Variants in ZBTB40 observed in about 807,000 individuals in gnomAD.
The protein encoded by ZBTB40 is zinc finger and BTB domain-containing protein 40.
In ZBTB40, 60 loss-of-function variants were observed where a neutral mutation model predicts 117.5. The observed-to-expected ratio is 0.51, with a 90% CI of 0.41 to 0.63. ZBTB40 has a LOEUF of 0.63. Ranked by LOEUF, ZBTB40 falls within the 30% of genes least tolerant of loss-of-function variation. ZBTB40 has a pLI of 0.00. For missense variants in ZBTB40, 1,287 were observed against 1,498.5 expected (o/e 0.86, Z 2.33); for synonymous variants, 525 against 577.1 (o/e 0.91, Z 1.29).
chr1:22,524,482 G>T, intron 17 of ZBTB40, 38 bp downstream of exon 17: 1 of 1,601,122 alleles, frequency 6.2e-7, no homozygotes. Context: ...GAATGCTAAT[G>T]CATGGTTCCT....
rs117797568 is a variant in ZBTB40 at position 22,513,930 on chromosome 1, G to A, written c.2668+800G>A. Among the ~76,000 whole-genome samples the A allele has an allele frequency of 1.3e-5, 2 of 152,310 alleles. No homozygotes were observed. Among genetic ancestry groups the A allele is most frequent in the East Asian group, 1.9e-4 (1 of 5,180 alleles). ...ATAAAATTATTTGAGCTTTGAAGTC[G>A]AGTTCAAGCATGAGAAGGACCCTGA... On this transcript the variant is annotated intron_variant, in intron 12 of 17. Coordinates refer to ENST00000375647, the MANE Select transcript of ZBTB40 (RefSeq NM_014870.4). This position sits in a 1 kb window ranked among gnomAD's most constrained non-coding sequence, Gnocchi z 4.9.
At chr1:22,497,755 G>A (rs1638817442) in intron 3 of ZBTB40, among the ~76,000 whole-genome samples, 1 of 152,158 alleles carries the variant, frequency 6.6e-6, no homozygotes, top group African/African-American at 2.4e-5. Context: ...CTAGGTGAAA[G>A]GGGTGCCAGC....
chr1:22,477,288 G>A (rs1339711434), intron 1 of ZBTB40, among the ~76,000 whole-genome samples: 3 of 152,182 alleles, frequency 2.0e-5, no homozygotes, highest in Middle Eastern at 3.4e-3. Flanking sequence ...AGCCTTTCTC[G>A]GAGCCAATAA....
At chr1:22,491,282 C>A in intron 2 of ZBTB40, 118 bp from the exon 3 acceptor site, 1 of 990,032 alleles carries the variant, frequency 1.0e-6, no homozygotes, top group Non-Finnish European at 1.6e-6. Context: ...AACTGATGTG[C>A]TAGACAGAGA....
intron 1 of ZBTB40, among the ~76,000 whole-genome samples, chr1:22,443,651 G>A (rs547977926): frequency 1.5e-4 from 23 of 152,174 alleles, no homozygotes; most frequent in Non-Finnish European, 3.2e-4. Flanking sequence ...TCCTGGATCC[G>A]GAAAAGACCT....
chr1:22,429,829 C>T (rs1640554304), intron 1 of ZBTB40, among the ~76,000 whole-genome samples: 1 of 152,074 alleles, frequency 6.6e-6, no homozygotes, highest in Non-Finnish European at 1.5e-5. Context: ...CCCATCCCTA[C>T]TAAAAATACA....
intron 12 of ZBTB40, among the ~76,000 whole-genome samples, chr1:22,514,122 G>T (rs1639315298): frequency 6.6e-6 from 1 of 152,210 alleles, no homozygotes; most frequent in African/African-American, 2.4e-5. Flanking sequence ...GCGTGATGAG[G>T]AAGGATGGAG....
At chr1:22,496,936 G>T (rs1638793141) in intron 3 of ZBTB40, among the ~76,000 whole-genome samples, 1 of 152,222 alleles carries the variant, frequency 6.6e-6, no homozygotes, top group Non-Finnish European at 1.5e-5. Flanking sequence ...AACCTCAAAA[G>T]TAGGGAAACC....
intron 3 of ZBTB40, among the ~76,000 whole-genome samples, chr1:22,497,162 C>A (rs181463392): frequency 6.6e-6 from 1 of 152,302 alleles, no homozygotes; most frequent in East Asian, 1.9e-4. Context: ...CAAAGTGGAT[C>A]TTTAACTAGA....
At chr1:22,492,425 C>T (rs945350739) in intron 3 of ZBTB40, among the ~76,000 whole-genome samples, 10 of 152,172 alleles carry the variant, frequency 6.6e-5, no homozygotes, top group African/African-American at 2.2e-4. Context: ...CTGCAGGATT[C>T]GACTCCACAA....
At chr1:22,507,958 T>C in intron 6 of ZBTB40, 43 bp from the exon 7 acceptor site, 1 of 1,613,896 alleles carries the variant, frequency 6.2e-7, no homozygotes, top group East Asian at 2.2e-5. Context: ...CTGTAGGAGG[T>C]TTTGTTGCAT....
chr1:22,524,947 T>C (rs1381039295), intron 17 of ZBTB40, among the ~76,000 whole-genome samples: 1 of 152,228 alleles, frequency 6.6e-6, no homozygotes, highest in East Asian at 1.9e-4. Context: ...CCTCTTTTAC[T>C]CTTCTTCCCA....
Position 22,520,179 on chromosome 1 carries a change from G to A in ZBTB40, c.2952G>A (p.Gly984=). 1.2e-6 allele frequency: 2 copies of A among 1,614,112 alleles called. No homozygotes were observed. Among genetic ancestry groups the A allele is most frequent in the Non-Finnish European group, 1.7e-6 (2 of 1,179,998 alleles). ...AGTACCACCCCTGCCCCACGTGTGG[G>A]AAGATCTTCAGTGCCCCGTCCATGC... The part of the protein sequence containing the change: ...SKEYHPCPTC[G]KIFSAPSMLE... Residue 984 remains glycine, a synonymous_variant, in exon 14 of 18, where the codon GGG becomes GGA. Transcript: ENST00000375647.
rs1209301017 is a variant in ZBTB40, at chr1:22,490,592, C to T, written c.644C>T (p.Pro215Leu). Residue 215 changes from proline (P) to leucine (L), a missense_variant, in exon 2 of 18, where the codon CCC (proline) becomes CTC (leucine). This residue lies in a region of ZBTB40 where 870 missense variants were observed against 934.4 expected (regional missense o/e 0.93). Coordinates refer to ENST00000375647, the MANE Select transcript of ZBTB40 (RefSeq NM_014870.4). Reference sequence around the variant, plus strand: ...CCTACTACAGCTGAAGCTTGTTCCCCCTCCCCTGCTGTGCAAACCTTTAGT... The same window carrying T: ...CCTACTACAGCTGAAGCTTGTTCCCTCTCCCCTGCTGTGCAAACCTTTAGT... ...ETPTTAEACS[P>L]SPAVQTFSEA... 6.2e-7 allele frequency: 1 copy of T among 1,614,082 alleles called. No homozygotes were observed. The highest frequency in any genetic ancestry group is 1.3e-5 in the African/African-American group (1 of 75,052).
At position 22,520,071 on chromosome 1, in the gene ZBTB40, TC is replaced by T; in HGVS notation, c.2846del (p.Pro949LeufsTer9). On this transcript the variant is annotated frameshift_variant, in exon 14 of 18. Transcript: ENST00000375647. LOFTEE classifies it high-confidence loss of function. ...HLHTFHNIEDPYDCKKCRMSF... is the reference protein window; with the variant it reads ...HLHTFHNIEDXYDCKKCRMSF... ...GTCCCGTGAAACTAGACATAGAAGA[TC>T]CTTATGACTGCAAGAAGTGCAGGAT... 1 of 1,614,138 alleles carries T rather than the reference TC, an allele frequency of 6.2e-7. No homozygotes were observed. The highest frequency in any genetic ancestry group is 8.5e-7 in the Non-Finnish European group (1 of 1,180,008).
At chr1:22,440,352 T>C (rs1640716702) in intron 1 of ZBTB40, among the ~76,000 whole-genome samples, 1 of 152,216 alleles carries the variant, frequency 6.6e-6, no homozygotes, top group Non-Finnish European at 1.5e-5. Context: ...AAACTTCTAA[T>C]ACTAAGCTGG....
At chr1:22,492,962 A>T (rs995902089) in intron 3 of ZBTB40, among the ~76,000 whole-genome samples, 5 of 152,170 alleles carry the variant, frequency 3.3e-5, no homozygotes, top group Middle Eastern at 3.2e-3. Flanking sequence ...CTTCCTCTCC[A>T]CTTAACTTTG....
At chr1:22,461,252 G>T (rs1376114744) in intron 1 of ZBTB40, among the ~76,000 whole-genome samples, 1 of 151,626 alleles carries the variant, frequency 6.6e-6, no homozygotes, top group African/African-American at 2.4e-5. Context: ...CTCAGTTGTA[G>T]TCAGGTTAAA....
intron 1 of ZBTB40, among the ~76,000 whole-genome samples, chr1:22,454,434 C>T (rs12133700): frequency 0.19 from 28,082 of 151,768 alleles, 2,999 homozygotes; most frequent in Non-Finnish European, 0.25. Flanking sequence ...TAAAACAGCA[C>T]GGAGAGAGAC....
Sources: gnomAD v4.1 joint callset for allele counts (sites outside exome capture counted in the v4.1 genomes callset) on GRCh38, gnomAD v4.1.1 for gene constraint, gnomAD v4.1.1 regional missense constraint, Gnocchi (gnomAD v3.1) non-coding constraint, MANE v1.5 for transcripts, NCBI Gene and HGNC (gene_info 2026-07-23, HGNC 2026-07-21) for gene names.